Variants in EYS observed in about 807,000 individuals in gnomAD.
The protein encoded by EYS is EGF-like photoreceptor maintenance factor, also known as protein eyes shut homolog.
EYS carries 250 observed loss-of-function variants against 282.1 expected under a neutral mutation model. That is an observed-to-expected ratio of 0.89 (90% CI 0.80 to 0.98). The LOEUF is 0.98. Among genes scored for constraint, EYS ranks in the 50% least tolerant of loss-of-function variants. The pLI, the probability that EYS is intolerant of heterozygous loss-of-function variation, is 0.00. For missense variants in EYS, 4,016 were observed against 3,709.0 expected (o/e 1.08, Z -2.15); for synonymous variants, 1,355 against 1,282.9 (o/e 1.06, Z -1.20).
chr6:65,107,085 T>C (rs1357016710), intron 12 of EYS, among the ~76,000 whole-genome samples: 1 of 151,950 alleles, frequency 6.6e-6, no homozygotes, highest in Non-Finnish European at 1.5e-5. Context: ...CAGCTTTCAC[T>C]CAATAGGTAA....
At chr6:65,281,070 A>G (rs1024279197) in intron 12 of EYS, among the ~76,000 whole-genome samples, 3 of 149,420 alleles carry the variant, frequency 2.0e-5, no homozygotes, top group African/African-American at 7.3e-5. Flanking sequence ...AAGAAATAAT[A>G]ACACCTAACT....
At chr6:64,357,113 A>G (rs1314012250) in intron 29 of EYS, among the ~76,000 whole-genome samples, 1 of 151,702 alleles carries the variant, frequency 6.6e-6, no homozygotes, top group Non-Finnish European at 1.5e-5. Flanking sequence ...TAAGTGGGTG[A>G]CATTAAGTAA....
At chr6:65,133,688 A>C in intron 12 of EYS, among the ~76,000 whole-genome samples, 1 of 152,148 alleles carries the variant, frequency 6.6e-6, no homozygotes, top group Admixed American at 6.6e-5. Context: ...CATAGGCAAT[A>C]ACATTCTGGA....
intron 19 of EYS, among the ~76,000 whole-genome samples, chr6:64,837,118 T>A (rs1323898103): frequency 6.6e-6 from 1 of 151,842 alleles, no homozygotes; most frequent in South Asian, 2.1e-4. Context: ...AATAAAAAAT[T>A]GTTATTGTTC....
chr6:63,931,168 C>CT (rs1024665240), intron 35 of EYS, among the ~76,000 whole-genome samples: 74 of 152,278 alleles, frequency 4.9e-4, no homozygotes, highest in African/African-American at 1.8e-3. Context: ...CAGCCTCACT[C>CT]TTTTTTAAAG....
At chr6:65,122,358 T>C (rs1469241014) in intron 12 of EYS, among the ~76,000 whole-genome samples, 1 of 152,148 alleles carries the variant, frequency 6.6e-6, no homozygotes, top group Non-Finnish European at 1.5e-5. Context: ...ATAATGTTTA[T>C]AATTCAGACA....
At chr6:64,324,526 A>C (rs1479145554) in intron 29 of EYS, among the ~76,000 whole-genome samples, 1 of 152,180 alleles carries the variant, frequency 6.6e-6, no homozygotes, top group Non-Finnish European at 1.5e-5. Context: ...CCAACAATAT[A>C]CTGAATGGGC....
intron 35 of EYS, among the ~76,000 whole-genome samples, chr6:63,930,153 G>A (rs575848377): frequency 1.8e-4 from 28 of 152,276 alleles, no homozygotes; most frequent in African/African-American, 6.3e-4. Context: ...TAATAAGTAT[G>A]TGAAGTGATG....
intron 8 of EYS, among the ~76,000 whole-genome samples, chr6:65,368,687 G>GA (rs1765014341): frequency 6.6e-6 from 1 of 151,604 alleles, no homozygotes; most frequent in African/African-American, 2.4e-5. Flanking sequence ...CATAGAACTA[G>GA]AAAAACAGTA....
At chr6:65,230,401 T>G (rs188670710) in intron 12 of EYS, among the ~76,000 whole-genome samples, 60 of 152,052 alleles carry the variant, frequency 3.9e-4, no homozygotes, top group African/African-American at 8.9e-4. Context: ...TTAATACAAT[T>G]ACCCATGTAT....
chr6:63,767,970 G>A (rs1769837613), intron 40 of EYS, among the ~76,000 whole-genome samples: 1 of 152,084 alleles, frequency 6.6e-6, no homozygotes, highest in African/African-American at 2.4e-5. Context: ...AACAAGCACT[G>A]GGGAAAGGGC....
chr6:64,465,985 A>G (rs1435267277), intron 26 of EYS, among the ~76,000 whole-genome samples: 2 of 151,734 alleles, frequency 1.3e-5, no homozygotes, highest in Non-Finnish European at 2.9e-5. Context: ...AATGGCCAAC[A>G]GTATATGAAA....
chr6:63,742,660 T>C (rs886558893), intron 41 of EYS, among the ~76,000 whole-genome samples: 1 of 152,180 alleles, frequency 6.6e-6, no homozygotes, highest in Non-Finnish European at 1.5e-5. Context: ...TTCTCTTAGA[T>C]ACTACCCCTA....
chr6:65,014,082 T>G (rs937573522), intron 13 of EYS, among the ~76,000 whole-genome samples: 2 of 152,100 alleles, frequency 1.3e-5, no homozygotes, highest in African/African-American at 2.4e-5. Flanking sequence ...AAGAAGCAAA[T>G]GAAAGCTGTG....
intron 2 of EYS, among the ~76,000 whole-genome samples, chr6:65,600,572 G>A (rs1765580925): frequency 6.6e-6 from 1 of 152,016 alleles, no homozygotes; most frequent in African/African-American, 2.4e-5. Context: ...AAATGCAAAT[G>A]ATGAAAGCAT....
chr6:64,250,124 C>A (rs528289094), intron 30 of EYS, among the ~76,000 whole-genome samples: 167 of 152,262 alleles, frequency 1.1e-3, no homozygotes, highest in Non-Finnish European at 1.7e-3. Context: ...AATAGTGTAT[C>A]TTATAGAAAT....
At chr6:63,788,928 A>T (rs1770437657) in intron 38 of EYS, 130 bp downstream of exon 38, 2 of 812,562 alleles carry the variant, frequency 2.5e-6, no homozygotes, top group Admixed American at 2.9e-5. Flanking sequence ...CTATTCCCCT[A>T]GTTGGTACAA....
At chr6:65,115,366 C>T (rs1016465862) in intron 12 of EYS, among the ~76,000 whole-genome samples, 1 of 151,974 alleles carries the variant, frequency 6.6e-6, no homozygotes, top group Non-Finnish European at 1.5e-5. Context: ...GTTATTTTAG[C>T]AATAGCAAAC....
Position 64,703,431 on chromosome 6 carries a change from T to TA in EYS, c.3444-77187_3444-77186insT, listed in dbSNP as rs1562144201. 5.8e-3 allele frequency among the ~76,000 whole-genome samples: 275 copies of TA among 47,064 alleles called. 6 individuals are homozygous for TA. Among genetic ancestry groups the TA allele is most frequent in the African/African-American group, 0.027 (260 of 9,750 alleles). The allele number at this position is 47,064 out of a possible 152,430, so 30.9% of individuals were successfully genotyped here. A position where few individuals can be genotyped will look rare whatever the true frequency, so the allele number is the denominator to read the frequency against. ...CACACATATATATATATATATATAT[T>TA]TTTTTTTTTTTTTTTTGAGATGGAG... On this transcript the variant is annotated intron_variant, in intron 22 of 42. Coordinates refer to ENST00000503581, the MANE Select transcript of EYS (RefSeq NM_001142800.2).
Sources: gnomAD v4.1 joint callset for allele counts (sites outside exome capture counted in the v4.1 genomes callset) on GRCh38, gnomAD v4.1.1 for gene constraint, MANE v1.5 for transcripts, NCBI Gene and HGNC (gene_info 2026-07-23, HGNC 2026-07-21) for gene names.